The following GRB2 variants were observed in gnomAD, a reference collection of about 807,000 sequenced individuals.
GRB2 encodes growth factor receptor-bound protein 2.
A neutral mutation model predicts 27.4 loss-of-function variants in GRB2; 2 were observed. The observed-to-expected ratio is 0.07, with a 90% CI of 0.03 to 0.23. The LOEUF (loss-of-function observed/expected upper bound fraction) is 0.23, where lower values mean the gene tolerates loss of function less well. Among genes scored for constraint, GRB2 ranks in the 10% least tolerant of loss-of-function variants. The pLI is 1.00. For missense variants in GRB2, 102 were observed against 282.4 expected (o/e 0.36, Z 4.58); for synonymous variants, 94 against 99.6 (o/e 0.94, Z 0.33).
At chr17:75,333,856 T>TA (rs1017716670) in intron 2 of GRB2, among the ~76,000 whole-genome samples, 1 of 152,142 alleles carries the variant, frequency 6.6e-6, no homozygotes, top group East Asian at 1.9e-4. Flanking sequence ...TCTACAGATG[T>TA]AAAAAAACAA....
intron 1 of GRB2, among the ~76,000 whole-genome samples, chr17:75,401,197 G>C (rs908840267): frequency 6.6e-6 from 1 of 152,026 alleles, no homozygotes; most frequent in African/African-American, 2.4e-5. Context: ...TGTAATCCCA[G>C]CACTTTGGGA....
chr17:75,344,656 T>A (rs1432809657), intron 2 of GRB2, among the ~76,000 whole-genome samples: 1 of 152,048 alleles, frequency 6.6e-6, no homozygotes, highest in East Asian at 1.9e-4. Context: ...CCTCCCAAAG[T>A]GCCAGGATTT....
chr17:75,377,867 A>C (rs2078904254), intron 2 of GRB2, among the ~76,000 whole-genome samples: 1 of 152,074 alleles, frequency 6.6e-6, no homozygotes, highest in Non-Finnish European at 1.5e-5. Flanking sequence ...AGATCATGAC[A>C]CTACACTCTA....
chr17:75,383,761 G>A (rs977350839), intron 2 of GRB2, among the ~76,000 whole-genome samples: 2 of 152,106 alleles, frequency 1.3e-5, no homozygotes, highest in African/African-American at 4.8e-5. Flanking sequence ...AGATTCGCTT[G>A]AACCCAGGAG....
At chr17:75,379,802 T>C (rs56412816) in intron 2 of GRB2, among the ~76,000 whole-genome samples, 8,167 of 152,284 alleles carry the variant, frequency 0.054, 263 homozygotes, top group Middle Eastern at 0.13. Context: ...AGTTGATACA[T>C]AATAAATAGA....
At chr17:75,327,159 C>A (rs185910417) in intron 3 of GRB2, among the ~76,000 whole-genome samples, 1 of 150,150 alleles carries the variant, frequency 6.7e-6, no homozygotes, top group Non-Finnish European at 1.5e-5. Flanking sequence ...CTCTGCCTCC[C>A]GGGTTCACGC....
intron 3 of GRB2, chr17:75,326,268 A>G: frequency 2.0e-6 from 1 of 501,520 alleles, no homozygotes; most frequent in Non-Finnish European, 3.6e-6. Context: ...CACTCTTTCT[A>G]TAGAGGGAGA....
At chr17:75,390,515 T>C (rs1415824869) in intron 2 of GRB2, among the ~76,000 whole-genome samples, 3 of 152,172 alleles carry the variant, frequency 2.0e-5, no homozygotes, top group South Asian at 2.1e-4. Context: ...CCTTCTATTT[T>C]ACATCCCAGT....
Position 75,393,733 on chromosome 17 carries a change from T to G in GRB2, c.-105A>C, listed in dbSNP as rs1302019835. On this transcript the variant is annotated 5_prime_UTR_variant, in exon 2 of 6. Coordinates refer to ENST00000316804, the MANE Select transcript of GRB2 (RefSeq NM_002086.5). ...CTTAGCCTCGCCTCTCTTCTGGGACTCGCTCCGGCACTCTGGGACACACAA... is the reference window on the plus strand; with the variant it reads ...CTTAGCCTCGCCTCTCTTCTGGGACGCGCTCCGGCACTCTGGGACACACAA... The G allele has an allele frequency of 6.0e-6, 5 of 826,530 alleles. No individual in the cohort carries two copies. In the African/African-American group the frequency reaches 8.4e-5, roughly 14 times the overall value. 51.2% of individuals were successfully genotyped at this position (826,530 alleles called of 1,614,324 possible).
At chr17:75,343,804 A>C (rs77608083) in intron 2 of GRB2, among the ~76,000 whole-genome samples, 1 of 152,374 alleles carries the variant, frequency 6.6e-6, no homozygotes, top group Non-Finnish European at 1.5e-5. Context: ...TTGGAATGTC[A>C]GAATTTCAAC....
chr17:75,356,046 C>T (rs187326043), intron 2 of GRB2, among the ~76,000 whole-genome samples: 179 of 151,944 alleles, frequency 1.2e-3, no homozygotes, highest in African/African-American at 3.9e-3. Flanking sequence ...GTTGCCCAGG[C>T]TGGTGTCGAA....
intron 2 of GRB2, among the ~76,000 whole-genome samples, chr17:75,351,521 G>T (rs527698284): frequency 6.6e-6 from 1 of 152,144 alleles, no homozygotes; most frequent in Admixed American, 6.6e-5. Flanking sequence ...GGGTATAGTG[G>T]TGTGCGGCTG....
intron 3 of GRB2, among the ~76,000 whole-genome samples, chr17:75,327,542 T>G (rs2078507297): frequency 6.6e-6 from 1 of 151,406 alleles, no homozygotes; most frequent in African/African-American, 2.4e-5. Flanking sequence ...AGCTAATTTT[T>G]GTATTTTTAA....
At chr17:75,347,942 T>C (rs1479697805) in intron 2 of GRB2, among the ~76,000 whole-genome samples, 3 of 152,256 alleles carry the variant, frequency 2.0e-5, no homozygotes, top group Admixed American at 1.3e-4. Flanking sequence ...TGCTCCTTTA[T>C]ATAAAGTGAC....
intron 2 of GRB2, among the ~76,000 whole-genome samples, chr17:75,334,916 C>A (rs1429420308): frequency 6.7e-6 from 1 of 150,326 alleles, no homozygotes; most frequent in East Asian, 1.9e-4. Flanking sequence ...TACAGTGACA[C>A]CATCACGGCT....
intron 2 of GRB2, among the ~76,000 whole-genome samples, chr17:75,337,867 A>C (rs903099298): frequency 7.7e-6 from 1 of 129,354 alleles, no homozygotes; most frequent in African/African-American, 2.7e-5. Context: ...CGCCCGGCCT[A>C]CTATTACTAC....
chr17:75,362,203 G>C (rs1476928643), intron 2 of GRB2, among the ~76,000 whole-genome samples: 1 of 152,132 alleles, frequency 6.6e-6, no homozygotes, highest in African/African-American at 2.4e-5. Context: ...TCCTCAAAGG[G>C]GAGAGCCCCA....
At chr17:75,344,862 C>T (rs1389238640) in intron 2 of GRB2, among the ~76,000 whole-genome samples, 2 of 151,770 alleles carry the variant, frequency 1.3e-5, no homozygotes, top group African/African-American at 2.4e-5. Flanking sequence ...CCAACCCCCC[C>T]GCCTGGGGGA....
intron 2 of GRB2, among the ~76,000 whole-genome samples, chr17:75,390,663 T>C (rs2078992574): frequency 6.6e-6 from 1 of 152,184 alleles, no homozygotes; most frequent in South Asian, 2.1e-4. Context: ...CTCTGGACAG[T>C]AACAGGTCAA....
Sources: gnomAD v4.1 joint callset for allele counts (sites outside exome capture counted in the v4.1 genomes callset) on GRCh38, gnomAD v4.1.1 for gene constraint, MANE v1.5 for transcripts, NCBI Gene and HGNC (gene_info 2026-07-23, HGNC 2026-07-21) for gene names.